The following SCRN1 variants were observed in gnomAD, a reference collection of about 807,000 sequenced individuals.
The protein encoded by SCRN1 is secernin 1, also known as secernin-1.
Under a neutral mutation model 43.3 loss-of-function variants are expected in SCRN1, and 19 were observed. That is an observed-to-expected ratio of 0.44 (90% CI 0.31 to 0.64). The LOEUF (loss-of-function observed/expected upper bound fraction) is 0.64. Among genes scored for constraint, SCRN1 ranks in the 30% least tolerant of loss-of-function variants. The probability of loss-of-function intolerance (pLI) is 0.09; values close to 1 mark genes in which losing one functional copy is unlikely to be tolerated. For synonymous variants in SCRN1, 183 were observed against 188.9 expected (o/e 0.97, Z 0.26); for missense variants, 447 against 524.1 (o/e 0.85, Z 1.44).
intron 2 of SCRN1, among the ~76,000 whole-genome samples, chr7:29,967,907 T>C (rs765733677): frequency 4.5e-4 from 68 of 152,272 alleles, no homozygotes; most frequent in Middle Eastern, 3.4e-3. Context: ...CAACACATTC[T>C]GGGAATATGA....
chr7:29,926,706 T>C, intron 6 of SCRN1, 74 bp from the exon 7 acceptor site: 4 of 1,215,832 alleles, frequency 3.3e-6, no homozygotes, highest in Non-Finnish European at 4.5e-6. Context: ...GTCCTTTTAT[T>C]CAGCAAACAT....
chr7:29,975,205 A>T (rs1038633559), intron 1 of SCRN1, among the ~76,000 whole-genome samples: 10 of 152,260 alleles, frequency 6.6e-5, no homozygotes, highest in African/African-American at 2.4e-4. Context: ...CAGCTTTGAA[A>T]AGTAGAATAT....
rs1786763436 is a variant in SCRN1 at position 29,921,662 on chromosome 7, G to C, written c.*2295C>G. 6.6e-6 allele frequency: 1 copy of C among 152,228 alleles called. No homozygotes were observed. The highest frequency in any genetic ancestry group is 2.4e-5 in the African/African-American group (1 of 41,458). The allele number at this position is 152,228 out of a possible 1,614,324, so 9.4% of individuals were successfully genotyped here. On this transcript the variant is annotated 3_prime_UTR_variant, in exon 8 of 8. Coordinates refer to ENST00000242059, the MANE Select transcript of SCRN1 (RefSeq NM_014766.5). ...ATCACAATTGTGGTGCAGAGTATTAGCCAAGACAGCTCTCAATTAGGGTTG... is the reference window on the plus strand; with the variant it reads ...ATCACAATTGTGGTGCAGAGTATTACCCAAGACAGCTCTCAATTAGGGTTG...
At chr7:29,961,001 G>GA (rs1041477937) in intron 2 of SCRN1, among the ~76,000 whole-genome samples, 13 of 150,296 alleles carry the variant, frequency 8.6e-5, no homozygotes, top group African/African-American at 2.4e-4. Flanking sequence ...GCAGCTGAAA[G>GA]AAAAAATCCA....
chr7:29,927,603 A>G (rs943308832), intron 6 of SCRN1, among the ~76,000 whole-genome samples: 2 of 152,212 alleles, frequency 1.3e-5, no homozygotes, highest in Non-Finnish European at 2.9e-5. Flanking sequence ...AGCACCTGCA[A>G]TAACAGCAGG....
chr7:29,924,127 C>T lies in SCRN1; in HGVS notation c.1087-12G>A, dbSNP rs148215806. On this transcript the variant is annotated splice_polypyrimidine_tract_variant and intron_variant, in intron 7 of 7. Coordinates refer to ENST00000242059, the MANE Select transcript of SCRN1 (RefSeq NM_014766.5). ...TTGCGACCTTGCTCCTGAGGAAGGA[C>T]ACGACTGCTTTAGGTGTCAGCAAAA... 6.2e-7 allele frequency: 1 copy of T among 1,607,096 alleles called. No individual in the cohort carries two copies. The highest frequency in any genetic ancestry group is 2.2e-5 in the East Asian group (1 of 44,874).
chr7:29,928,662 C>G (rs1257590350), intron 6 of SCRN1, among the ~76,000 whole-genome samples: 1 of 152,082 alleles, frequency 6.6e-6, no homozygotes, highest in East Asian at 1.9e-4. Context: ...CAAAGTCAAG[C>G]CCTGCCAAGA....
chr7:29,966,169 G>C (rs1280329817), intron 2 of SCRN1, among the ~76,000 whole-genome samples: 3 of 145,200 alleles, frequency 2.1e-5, no homozygotes, highest in Admixed American at 7.2e-5. Context: ...CAGAGAGAGA[G>C]AGAGAGAGAG....
Position 29,926,559 on chromosome 7 carries a change from C to A in SCRN1, c.979G>T (p.Asp327Tyr). 6.2e-7 allele frequency: 1 copy of A among 1,614,148 alleles called. No homozygotes were observed. The highest frequency in any genetic ancestry group is 8.5e-7 in the Non-Finnish European group (1 of 1,180,040). The change falls in exon 7 of 8, where the codon GAT becomes TAT. Residue 327 changes from aspartate to tyrosine, a missense_variant. By Grantham distance (160) the Asp-to-Tyr change is radical (BLOSUM62 -3). Transcript: ENST00000242059. The stretch of plus-strand genomic sequence containing the variant: ...GGCTCCTTTTTGGCAGGGTCGTCAT[C>A]CCCAAAACAGGGAGACTGTGTTTTG... The part of the protein sequence containing the change: ...VPKTQSPCFG[D>Y]DDPAKKEPRF...
intron 2 of SCRN1, among the ~76,000 whole-genome samples, chr7:29,963,625 C>T (rs1788399729): frequency 7.3e-6 from 1 of 137,652 alleles, no homozygotes; most frequent in Non-Finnish European, 1.5e-5. Flanking sequence ...CCCTATGACC[C>T]AATGATGCTA....
intron 1 of SCRN1, among the ~76,000 whole-genome samples, chr7:29,987,299 A>T (rs1789192403): frequency 6.6e-6 from 1 of 152,232 alleles, no homozygotes. Context: ...GACTCAGAAA[A>T]GTCAAATGCA....
rs1019644535 is a variant in SCRN1, at chr7:29,950,371, G to A, written c.341+4808C>T. The stretch of plus-strand genomic sequence containing the variant: ...GCACAGGAGGGAGGCTGGGAGGGCT[G>A]AGGGCAGCTCAGTGTGGGCCTGCCA... On this transcript the variant is annotated intron_variant, in intron 3 of 7. Coordinates refer to ENST00000242059, the MANE Select transcript of SCRN1 (RefSeq NM_014766.5). The surrounding 1 kb of genome is among the most constrained non-coding windows in gnomAD (Gnocchi z 4.5). 8.5e-5 allele frequency among the ~76,000 whole-genome samples: 13 copies of A among 152,226 alleles called. No individual in the cohort carries two copies. Among genetic ancestry groups the A allele is most frequent in the African/African-American group, 2.4e-4 (10 of 41,462 alleles).
Position 29,922,501 on chromosome 7 carries a change from AT to A in SCRN1, c.*1455del, listed in dbSNP as rs1786802159. The A allele has an allele frequency of 6.6e-6, 1 of 152,214 alleles. No homozygotes were observed. The highest frequency in any genetic ancestry group is 1.5e-5 in the Non-Finnish European group (1 of 68,042). 9.4% of individuals were successfully genotyped at this position (152,214 alleles called of 1,614,324 possible). A position where few individuals can be genotyped will look rare whatever the true frequency, so the allele number is the denominator to read the frequency against. ...TTCCTGCCAAGAATGATGAGGCAGG[AT>A]TAGGCCCAACTGGTGCTCTCCCACT... On this transcript the variant is annotated 3_prime_UTR_variant, in exon 8 of 8. Transcript: ENST00000242059.
Position 29,923,325 on chromosome 7 carries a change from A to G in SCRN1, c.*632T>C, listed in dbSNP as rs1357345951. 6.6e-6 allele frequency: 1 copy of G among 152,398 alleles called. No homozygotes were observed. The highest frequency in any genetic ancestry group is 6.5e-5 in the Admixed American group (1 of 15,294). The allele number at this position is 152,398 out of a possible 1,614,324, so 9.4% of individuals were successfully genotyped here. On this transcript the variant is annotated 3_prime_UTR_variant, in exon 8 of 8. Coordinates refer to ENST00000242059, the MANE Select transcript of SCRN1 (RefSeq NM_014766.5). Reference sequence around the variant, plus strand: ...CACCACACATAAGCACAGCGCATGGAAAATGGGAAGACAGCTTCTTCAGGA... The same window carrying G: ...CACCACACATAAGCACAGCGCATGGGAAATGGGAAGACAGCTTCTTCAGGA...
In SCRN1 at chr7:29,920,209, A is replaced by C. The variant is rs937301629; in HGVS notation, c.*3748T>G. ...TATCTGCTTTGTAGATATTTGTACA[A>C]AAGACTGTTAAGACTACATGGCCAG... On this transcript the variant is annotated 3_prime_UTR_variant, in exon 8 of 8. Transcript: ENST00000242059. The C allele has an allele frequency of 2.0e-5, 3 of 152,618 alleles. No homozygotes were observed. The highest frequency in any genetic ancestry group is 7.2e-5 in the African/African-American group (3 of 41,440). The allele number at this position is 152,618 out of a possible 1,614,324, so 9.5% of individuals were successfully genotyped here.
chr7:29,989,783 C>T lies in SCRN1; in HGVS notation c.-143G>A. 5 of 987,036 alleles carry T rather than the reference C, an allele frequency of 5.1e-6. No homozygotes were observed. The highest frequency in any genetic ancestry group is 6.0e-6 in the Non-Finnish European group (5 of 831,228). 61.1% of individuals were successfully genotyped at this position (987,036 alleles called of 1,614,324 possible). A position where few individuals can be genotyped will look rare whatever the true frequency, so the allele number is the denominator to read the frequency against. ...CAGTGGCGGAGGCGGCCGCCGGGCG[C>T]TTCCCCCTACCCAGACTCCCGGCGC... is the stretch of plus-strand genomic sequence containing the variant. On this transcript the variant is annotated 5_prime_UTR_variant, in exon 1 of 8. Coordinates refer to ENST00000242059, the MANE Select transcript of SCRN1 (RefSeq NM_014766.5).
intron 1 of SCRN1, among the ~76,000 whole-genome samples, chr7:29,972,958 C>T (rs1162699366): frequency 1.3e-5 from 2 of 152,094 alleles, no homozygotes; most frequent in African/African-American, 2.4e-5. Flanking sequence ...CTCCATTGGA[C>T]GGGACAGTGA....
Position 29,979,188 on chromosome 7 carries a change from C to A in SCRN1, c.-1-10120G>T, listed in dbSNP as rs557671724. On this transcript the variant is annotated intron_variant, in intron 1 of 7. Coordinates refer to ENST00000242059, the MANE Select transcript of SCRN1 (RefSeq NM_014766.5). ...GACCAGCCTGACCAACATGGTGAAACCCTGTCTCTACTAAAAATACAAAAA... is the reference window on the plus strand; with the variant it reads ...GACCAGCCTGACCAACATGGTGAAAACCTGTCTCTACTAAAAATACAAAAA... Among the ~76,000 whole-genome samples, 7 of 152,188 alleles carry A rather than the reference C, an allele frequency of 4.6e-5. No homozygotes were observed. The East Asian group carries it at 1.2e-3, about 25-fold the overall frequency.
intron 7 of SCRN1, among the ~76,000 whole-genome samples, chr7:29,925,606 G>A (rs1237255994): frequency 1.3e-5 from 2 of 152,206 alleles, no homozygotes; most frequent in African/African-American, 4.8e-5. Context: ...GCTGTGGAAC[G>A]TGCTTTGGGT....
Sources: gnomAD v4.1 joint callset for allele counts (sites outside exome capture counted in the v4.1 genomes callset) on GRCh38, gnomAD v4.1.1 for gene constraint, Gnocchi (gnomAD v3.1) non-coding constraint, MANE v1.5 for transcripts, NCBI Gene and HGNC (gene_info 2026-07-23, HGNC 2026-07-21) for gene names.